Variants in CCDC15 observed in about 807,000 individuals in gnomAD.
The protein encoded by CCDC15 is coiled-coil domain containing 15, also known as coiled-coil domain-containing protein 15.
CCDC15 carries 105 observed loss-of-function variants against 114.5 expected under a neutral mutation model. That is an observed-to-expected ratio of 0.92 (90% confidence interval 0.78 to 1.08). The LOEUF is 1.08. Among genes scored for constraint, CCDC15 ranks in the 50% least tolerant of loss-of-function variants. The probability of loss-of-function intolerance (pLI) is 0.00; values close to 1 mark genes in which losing one functional copy is unlikely to be tolerated. For missense variants in CCDC15, 1,105 were observed against 1,093.6 expected (o/e 1.01, Z -0.15); for synonymous variants, 334 against 377.8 (o/e 0.88, Z 1.34).
chr11:124,973,772 G>A (rs1443153711), intron 4 of CCDC15, among the ~76,000 whole-genome samples: 1 of 151,774 alleles, frequency 6.6e-6, no homozygotes, highest in African/African-American at 2.4e-5. Flanking sequence ...ACAGACTACA[G>A]GCGTGTGCCA....
chr11:125,015,753 C>T (rs756363987), intron 13 of CCDC15, among the ~76,000 whole-genome samples: 6 of 152,112 alleles, frequency 3.9e-5, no homozygotes, highest in Non-Finnish European at 8.8e-5. Flanking sequence ...TTAATACCAG[C>T]CTGATGGGGA....
intron 6 of CCDC15, among the ~76,000 whole-genome samples, chr11:124,981,997 A>G (rs544604706): frequency 6.5e-4 from 99 of 152,242 alleles, no homozygotes; most frequent in Non-Finnish European, 8.2e-4. Flanking sequence ...TATATCTAGG[A>G]TAGTTAGGTC....
At chr11:124,995,886 A>T (rs1019248208) in intron 11 of CCDC15, among the ~76,000 whole-genome samples, 5 of 150,928 alleles carry the variant, frequency 3.3e-5, no homozygotes, top group Non-Finnish European at 7.4e-5. Context: ...GCTGGAGTGC[A>T]GTTGCGCAAT....
chr11:124,964,675 G>A (rs10893310), intron 4 of CCDC15, among the ~76,000 whole-genome samples: 139,324 of 152,214 alleles, frequency 0.92, 63,956 homozygotes, highest in East Asian at 1. Flanking sequence ...TTCTAACACT[G>A]TGTTGAGTAG....
intron 4 of CCDC15, among the ~76,000 whole-genome samples, chr11:124,968,760 C>T (rs192456385): frequency 1.4e-4 from 22 of 152,272 alleles, no homozygotes; most frequent in Non-Finnish European, 3.1e-4. Flanking sequence ...AGCTGCAGAC[C>T]GGAGCTGTTC....
chr11:124,992,649 G>A lies in CCDC15; in HGVS notation c.2101G>A (p.Val701Ile). ...GCCTCTGGACTATCATCAATATGTTGTACCTAAAATCCAGGACCAAGACTC... is the reference window on the plus strand; with the variant it reads ...GCCTCTGGACTATCATCAATATGTTATACCTAAAATCCAGGACCAAGACTC... ...ELPLDYHQYV[V>I]PKIQDQDSPR... Residue 701 changes from valine (V) to isoleucine (I), a missense_variant, in exon 10 of 16, where the codon GTA (valine) becomes ATA (isoleucine). Physicochemically the swap from Val to Ile is conservative, Grantham distance 29. Transcript: ENST00000344762. 6.3e-7 allele frequency: 1 copy of A among 1,597,410 alleles called. No individual in the cohort carries two copies. The highest frequency in any genetic ancestry group is 8.5e-7 in the Non-Finnish European group (1 of 1,171,046).
intron 13 of CCDC15, among the ~76,000 whole-genome samples, chr11:125,023,064 T>TAAA (rs1394032563): frequency 6.6e-5 from 10 of 151,934 alleles, no homozygotes; most frequent in Admixed American, 6.6e-5. Flanking sequence ...GAGTGTGCTT[T>TAAA]TGATGACTTA....
chr11:125,013,253 T>C (rs1948607424), intron 13 of CCDC15, among the ~76,000 whole-genome samples: 1 of 152,202 alleles, frequency 6.6e-6, no homozygotes, highest in African/African-American at 2.4e-5. Context: ...GAATTGAAGT[T>C]TGCCAGATGG....
chr11:125,015,396 A>C (rs1295335529), intron 13 of CCDC15, among the ~76,000 whole-genome samples: 1 of 152,182 alleles, frequency 6.6e-6, no homozygotes, highest in East Asian at 1.9e-4. Flanking sequence ...AGGAATGGAA[A>C]GGGAACCATT....
In CCDC15 at chr11:124,972,619, T is replaced by A. The variant is rs57868552; in HGVS notation, c.517-2477T>A. Among the ~76,000 whole-genome samples the A allele has an allele frequency of 1.4e-4, 22 of 152,218 alleles. No homozygotes were observed. In the East Asian group the frequency reaches 3.9e-3, roughly 27 times the overall value. On this transcript the variant is annotated intron_variant, in intron 4 of 15. Transcript: ENST00000344762. Reference sequence around the variant, plus strand: ...TTAATAACTTAAAAAATTACAGAAATTTATTATCTCTCAGTTCTGGAGGCC... The same window carrying A: ...TTAATAACTTAAAAAATTACAGAAAATTATTATCTCTCAGTTCTGGAGGCC...
chr11:125,006,237 G>A (rs1948550977), intron 13 of CCDC15, among the ~76,000 whole-genome samples: 1 of 152,152 alleles, frequency 6.6e-6, no homozygotes, highest in Non-Finnish European at 1.5e-5. Context: ...GGTGGTGTCA[G>A]TATTTTGGAT....
At chr11:124,975,790 A>C (rs1327305340) in intron 5 of CCDC15, among the ~76,000 whole-genome samples, 1 of 152,078 alleles carries the variant, frequency 6.6e-6, no homozygotes, top group African/African-American at 2.4e-5. Flanking sequence ...ATTACAGGTG[A>C]TTTTCTTCTG....
chr11:125,015,870 C>T (rs1474369958), intron 13 of CCDC15, among the ~76,000 whole-genome samples: 1 of 152,152 alleles, frequency 6.6e-6, no homozygotes, highest in Non-Finnish European at 1.5e-5. Context: ...CTGCTGCAGG[C>T]CCCTATACTT....
At chr11:124,963,691 G>T (rs936768030) in intron 4 of CCDC15, among the ~76,000 whole-genome samples, 14 of 152,086 alleles carry the variant, frequency 9.2e-5, no homozygotes, top group Non-Finnish European at 2.1e-4. Flanking sequence ...CATTGCTTTT[G>T]GTGTTTTAGT....
chr11:125,015,737 A>G (rs34771077), intron 13 of CCDC15, among the ~76,000 whole-genome samples: 30,890 of 152,164 alleles, frequency 0.2, 3,733 homozygotes, highest in African/African-American at 0.34. Context: ...CAAATAAAGC[A>G]TAACTTTAAT....
At chr11:125,011,676 A>G (rs1340564209) in intron 13 of CCDC15, among the ~76,000 whole-genome samples, 1 of 152,216 alleles carries the variant, frequency 6.6e-6, no homozygotes, top group African/African-American at 2.4e-5. Flanking sequence ...TCGTGGGATA[A>G]CTGATTTAAG....
intron 13 of CCDC15, among the ~76,000 whole-genome samples, chr11:125,012,197 T>C (rs1252400039): frequency 6.6e-6 from 1 of 152,146 alleles, no homozygotes; most frequent in Non-Finnish European, 1.5e-5. Flanking sequence ...AGAGTATAGA[T>C]GGGCAGTCAT....
At chr11:125,027,226 A>G (rs1477631252) in intron 13 of CCDC15, among the ~76,000 whole-genome samples, 1 of 152,054 alleles carries the variant, frequency 6.6e-6, no homozygotes, top group Non-Finnish European at 1.5e-5. Flanking sequence ...TTTTCATATA[A>G]TGACTTCTTT....
At chr11:124,956,877 G>A (rs1947561701) in intron 2 of CCDC15, among the ~76,000 whole-genome samples, 1 of 152,050 alleles carries the variant, frequency 6.6e-6, no homozygotes, top group Non-Finnish European at 1.5e-5. Context: ...TCTAAAGCTT[G>A]GCCCTTAGAT....
Sources: allele counts gnomAD v4.1 joint callset (sites outside exome capture counted in the v4.1 genomes callset), GRCh38; gene constraint gnomAD v4.1.1; transcripts MANE v1.5; gene names NCBI Gene and HGNC (gene_info 2026-07-23, HGNC 2026-07-21).